DLEU7: variants seen among roughly 807,000 people sequenced by gnomAD.
The protein encoded by DLEU7 is deleted in lymphocytic leukemia 7.
A neutral mutation model predicts 16.0 loss-of-function variants in DLEU7; 17 were observed. That is an observed-to-expected ratio of 1.06 (90% confidence interval 0.73 to 1.59). DLEU7 has a LOEUF of 1.59. Ranked by LOEUF, DLEU7 falls within the 40% of genes most tolerant of loss-of-function variation. The pLI, the probability that DLEU7 is intolerant of heterozygous loss-of-function variation, is 0.00. For synonymous variants in DLEU7, 113 were observed against 139.8 expected, an observed-to-expected ratio of 0.81 and a Z score of 1.35; for missense variants, 308 against 314.9, an observed-to-expected ratio of 0.98 and a Z score of 0.17.
At chr13:50,767,952 G>A (rs1040576950) in intron 1 of DLEU7, among the ~76,000 whole-genome samples, 2 of 152,170 alleles carry the variant, frequency 1.3e-5, no homozygotes, top group African/African-American at 4.8e-5. Flanking sequence ...AAACACTTCT[G>A]CCATTCTGTG....
intron 1 of DLEU7, among the ~76,000 whole-genome samples, chr13:50,716,347 A>G (rs1273659758): frequency 6.6e-6 from 1 of 152,252 alleles, no homozygotes; most frequent in Non-Finnish European, 1.5e-5. Context: ...CACAGTTGCA[A>G]AGCCAGAATA....
intron 1 of DLEU7, among the ~76,000 whole-genome samples, chr13:50,764,607 A>C (rs560393044): frequency 6.6e-6 from 1 of 152,246 alleles, no homozygotes; most frequent in East Asian, 1.9e-4. Flanking sequence ...TTTCTGGCAC[A>C]GTTGTTATTC....
At chr13:50,767,189 C>G (rs1875140311) in intron 1 of DLEU7, among the ~76,000 whole-genome samples, 2 of 152,192 alleles carry the variant, frequency 1.3e-5, no homozygotes, top group South Asian at 2.1e-4. Context: ...GGCGCGGTGG[C>G]TCACGCCTGT....
At chr13:50,716,959 T>C (rs1251983866) in intron 1 of DLEU7, among the ~76,000 whole-genome samples, 1 of 152,216 alleles carries the variant, frequency 6.6e-6, no homozygotes. Context: ...GAATTAATAC[T>C]ATATATACAC....
At chr13:50,830,809 C>T (rs1051338699) in intron 1 of DLEU7, among the ~76,000 whole-genome samples, 16 of 152,290 alleles carry the variant, frequency 1.1e-4, no homozygotes, top group African/African-American at 3.6e-4. Flanking sequence ...GAATGGGAAG[C>T]TCTCCAAGTC....
intron 1 of DLEU7, among the ~76,000 whole-genome samples, chr13:50,766,082 T>C (rs1052689725): frequency 6.6e-6 from 1 of 152,298 alleles, no homozygotes; most frequent in Non-Finnish European, 1.5e-5. Context: ...GCAAGTTTCA[T>C]TCCCCTTCCA....
chr13:50,758,983 A>T (rs940767719), intron 1 of DLEU7, among the ~76,000 whole-genome samples: 5 of 152,336 alleles, frequency 3.3e-5, no homozygotes, highest in African/African-American at 1.2e-4. Flanking sequence ...ATTTCCAAAT[A>T]TTTTAATGTG....
At chr13:50,765,405 A>C (rs542698609) in intron 1 of DLEU7, among the ~76,000 whole-genome samples, 22 of 152,254 alleles carry the variant, frequency 1.4e-4, no homozygotes, top group African/African-American at 4.6e-4. Context: ...AAATGGAAGA[A>C]GACAAGGGAA....
At chr13:50,725,821 T>G (rs1350613275) in intron 1 of DLEU7, among the ~76,000 whole-genome samples, 2 of 152,168 alleles carry the variant, frequency 1.3e-5, no homozygotes, top group Non-Finnish European at 2.9e-5. Context: ...CCAGTGGATT[T>G]TTTTTTTATT....
chr13:50,761,433 AG>A (rs1241344305), intron 1 of DLEU7, among the ~76,000 whole-genome samples: 41 of 151,756 alleles, frequency 2.7e-4, no homozygotes, highest in Admixed American at 1.2e-3. Flanking sequence ...TGCAAAAAAA[AG>A]AGGGAAGAGG....
chr13:50,722,731 G>A (rs1370803717), intron 1 of DLEU7, among the ~76,000 whole-genome samples: 1 of 152,064 alleles, frequency 6.6e-6, no homozygotes, highest in East Asian at 1.9e-4. Flanking sequence ...AAGTACTATT[G>A]TCCTTCATAA....
At chr13:50,778,193 G>A (rs974370076) in intron 1 of DLEU7, among the ~76,000 whole-genome samples, 2 of 152,154 alleles carry the variant, frequency 1.3e-5, no homozygotes, top group African/African-American at 2.4e-5. Context: ...ATGTCTTCTC[G>A]TGGTAGCAGG....
chr13:50,729,074 C>T (rs774703532), intron 1 of DLEU7, among the ~76,000 whole-genome samples: 12 of 152,148 alleles, frequency 7.9e-5, no homozygotes, highest in East Asian at 7.7e-4. Context: ...AGGTTTGTCA[C>T]GTAGGTACAT....
At chr13:50,751,065 G>T (rs925825591) in intron 1 of DLEU7, among the ~76,000 whole-genome samples, 4 of 152,222 alleles carry the variant, frequency 2.6e-5, no homozygotes, top group African/African-American at 7.2e-5. Flanking sequence ...TACGTTGGCT[G>T]TGGGTTTGTC....
intron 1 of DLEU7, among the ~76,000 whole-genome samples, chr13:50,762,505 C>G (rs1034651351): frequency 6.6e-6 from 1 of 152,156 alleles, no homozygotes; most frequent in Admixed American, 6.5e-5. Flanking sequence ...TTATGGGTGG[C>G]ATTTCTTTGC....
intron 1 of DLEU7, among the ~76,000 whole-genome samples, chr13:50,779,712 C>T (rs1337906376): frequency 6.6e-6 from 1 of 152,070 alleles, no homozygotes; most frequent in African/African-American, 2.4e-5. Context: ...TGCATCCAGC[C>T]CCCAGGGGAG....
chr13:50,836,098 T>C (rs984159148), intron 1 of DLEU7, among the ~76,000 whole-genome samples: 1 of 152,208 alleles, frequency 6.6e-6, no homozygotes, highest in Non-Finnish European at 1.5e-5. Flanking sequence ...TCTACGTAAA[T>C]TGTAAATCAG....
intron 1 of DLEU7, among the ~76,000 whole-genome samples, chr13:50,826,009 C>T (rs192001154): frequency 2.9e-5 from 4 of 135,980 alleles, no homozygotes; most frequent in African/African-American, 8.0e-5. Context: ...TCCCTCCCCC[C>T]TCCCCCGACC....
At chr13:50,786,364 T>C (rs995351849) in intron 1 of DLEU7, among the ~76,000 whole-genome samples, 4 of 152,216 alleles carry the variant, frequency 2.6e-5, no homozygotes, top group Non-Finnish European at 5.9e-5. Flanking sequence ...TGTTTTGTTT[T>C]GTTTTTTAGT....
Sources: gnomAD v4.1 joint callset for allele counts (sites outside exome capture counted in the v4.1 genomes callset) on GRCh38, gnomAD v4.1.1 for gene constraint, MANE v1.5 for transcripts, NCBI Gene and HGNC (gene_info 2026-07-23, HGNC 2026-07-21) for gene names.